Variants in KCND2 observed in about 807,000 individuals in gnomAD.
The protein encoded by KCND2 is potassium voltage-gated channel subfamily D member 2.
KCND2 carries 16 observed loss-of-function variants against 54.4 expected under a neutral mutation model. The ratio of observed to expected loss-of-function variants is 0.29; its 90% CI spans 0.20 to 0.45. The LOEUF is 0.45. KCND2 is among the 20% of genes least tolerant of loss of function. The pLI is 1.00. For missense variants in KCND2, 486 were observed against 824.2 expected, an observed-to-expected ratio of 0.59 and a Z score of 5.02; for synonymous variants, 317 against 310.7, an observed-to-expected ratio of 1.02 and a Z score of -0.21.
chr7:120,596,095 A>G, intron 1 of KCND2, among the ~76,000 whole-genome samples: 1 of 151,988 alleles, frequency 6.6e-6, no homozygotes, highest in Admixed American at 6.6e-5. Context: ...TTTCCAGGTG[A>G]TCTTTGTTTT....
chr7:120,390,125 G>GTATGTCC (rs1249556878), intron 1 of KCND2, among the ~76,000 whole-genome samples: 2 of 151,738 alleles, frequency 1.3e-5, no homozygotes, highest in African/African-American at 4.8e-5. Flanking sequence ...CATAAATATA[G>GTATGTCC]TATGTCCTAG....
chr7:120,464,958 T>G (rs1244860949), intron 1 of KCND2, among the ~76,000 whole-genome samples: 1 of 152,202 alleles, frequency 6.6e-6, no homozygotes, highest in Admixed American at 6.6e-5. Context: ...ATCTCCTTAT[T>G]TTAAGGTCAA....
At chr7:120,345,538 A>G (rs551977564) in intron 1 of KCND2, among the ~76,000 whole-genome samples, 1 of 152,286 alleles carries the variant, frequency 6.6e-6, no homozygotes, top group Non-Finnish European at 1.5e-5. Context: ...AAGCAACAGC[A>G]TCCCGTTTCC....
chr7:120,670,610 C>G (rs376401614), intron 1 of KCND2, among the ~76,000 whole-genome samples: 4 of 151,962 alleles, frequency 2.6e-5, no homozygotes, highest in African/African-American at 9.7e-5. Flanking sequence ...TTCCTAGGGT[C>G]TGACTTTTGA....
chr7:120,283,329 G>A (rs999828296), intron 1 of KCND2, among the ~76,000 whole-genome samples: 6 of 152,122 alleles, frequency 3.9e-5, no homozygotes, highest in African/African-American at 4.8e-5. Context: ...TAAGATGAAA[G>A]GGGGAGCCAT....
At chr7:120,450,302 C>T (rs993763136) in intron 1 of KCND2, among the ~76,000 whole-genome samples, 30 of 152,154 alleles carry the variant, frequency 2.0e-4, no homozygotes, top group African/African-American at 6.5e-4. Flanking sequence ...CCCAGCTACT[C>T]GGGAGGCTGA....
chr7:120,576,019 C>G (rs1215110668), intron 1 of KCND2, among the ~76,000 whole-genome samples: 2 of 87,136 alleles, frequency 2.3e-5, no homozygotes, highest in Non-Finnish European at 5.2e-5. Flanking sequence ...CTGATTCTCT[C>G]ACAACTCTAT....
At chr7:120,381,895 T>G (rs549695693) in intron 1 of KCND2, among the ~76,000 whole-genome samples, 6 of 152,170 alleles carry the variant, frequency 3.9e-5, no homozygotes, top group Non-Finnish European at 7.4e-5. Flanking sequence ...TAATTTCTTA[T>G]GAGGTTTAAC....
At chr7:120,571,747 A>G (rs1792369012) in intron 1 of KCND2, among the ~76,000 whole-genome samples, 1 of 152,206 alleles carries the variant, frequency 6.6e-6, no homozygotes, top group Non-Finnish European at 1.5e-5. Flanking sequence ...CAATTATACT[A>G]TTAAAAATAA....
At chr7:120,522,900 T>C (rs1021087850) in intron 1 of KCND2, among the ~76,000 whole-genome samples, 2 of 152,202 alleles carry the variant, frequency 1.3e-5, no homozygotes, top group African/African-American at 2.4e-5. Context: ...TTGCATTCTG[T>C]CAATTTTCAG....
chr7:120,596,459 A>G (rs1444104627), intron 1 of KCND2, among the ~76,000 whole-genome samples: 1 of 152,198 alleles, frequency 6.6e-6, no homozygotes, highest in Admixed American at 6.5e-5. Context: ...GTTATTTAAA[A>G]ATTGTGTGTG....
chr7:120,603,216 A>T (rs1016695278), intron 1 of KCND2, among the ~76,000 whole-genome samples: 1 of 152,212 alleles, frequency 6.6e-6, no homozygotes, highest in East Asian at 1.9e-4. Context: ...ATGGATTTCT[A>T]TGAAGCTCAA....
At chr7:120,722,661 T>C (rs1792683314) in intron 1 of KCND2, among the ~76,000 whole-genome samples, 1 of 152,096 alleles carries the variant, frequency 6.6e-6, no homozygotes, top group African/African-American at 2.4e-5. Flanking sequence ...AAAAATAAAA[T>C]AGGTAAATAC....
intron 1 of KCND2, among the ~76,000 whole-genome samples, chr7:120,446,215 C>A (rs1802016913): frequency 6.6e-6 from 1 of 152,088 alleles, no homozygotes. Context: ...TAATCTCTGC[C>A]TGCTCAAAAC....
At chr7:120,337,640 A>G (rs1286853829) in intron 1 of KCND2, among the ~76,000 whole-genome samples, 1 of 152,212 alleles carries the variant, frequency 6.6e-6, no homozygotes, top group Non-Finnish European at 1.5e-5. Flanking sequence ...AGAAACTAAT[A>G]GGTGTATGTG....
At chr7:120,737,066 AC>A (rs1445755755) in intron 2 of KCND2, among the ~76,000 whole-genome samples, 1 of 144,062 alleles carries the variant, frequency 6.9e-6, no homozygotes, top group African/African-American at 2.6e-5. Flanking sequence ...ACACACACAC[AC>A]ACACACACAA....
intron 2 of KCND2, among the ~76,000 whole-genome samples, chr7:120,735,635 A>G (rs182436437): frequency 1.8e-4 from 28 of 152,210 alleles, no homozygotes; most frequent in African/African-American, 6.5e-4. Flanking sequence ...TTAGAAATCA[A>G]AAGTAAATAA....
intron 1 of KCND2, among the ~76,000 whole-genome samples, chr7:120,432,927 C>G: frequency 6.6e-6 from 1 of 152,198 alleles, no homozygotes; most frequent in East Asian, 1.9e-4. Flanking sequence ...AAACCCTTCA[C>G]GGTTGCCCAT....
In KCND2 at chr7:120,416,352, C is replaced by T. The variant is rs115044702; in HGVS notation, c.1115+140605C>T. Among the ~76,000 whole-genome samples the T allele has an allele frequency of 9.1e-3, 1,380 of 152,278 alleles. 14 individuals are homozygous for T. Among genetic ancestry groups the T allele is most frequent in the African/African-American group, 0.03 (1,256 of 41,558 alleles). On this transcript the variant is annotated intron_variant, in intron 1 of 5. Transcript: ENST00000331113. ...TACTTCAAGGGCACCCCTACTCACA[C>T]ACACATAGCTCCATTGCCACCACCC... is the stretch of plus-strand genomic sequence containing the variant.
Sources: allele counts gnomAD v4.1 joint callset (sites outside exome capture counted in the v4.1 genomes callset), GRCh38; gene constraint gnomAD v4.1.1; transcripts MANE v1.5; gene names NCBI Gene and HGNC (gene_info 2026-07-23, HGNC 2026-07-21).